GDAP1: variants seen among roughly 807,000 people sequenced by gnomAD.
GDAP1 encodes ganglioside-induced differentiation-associated protein 1.
In GDAP1, 34 loss-of-function variants were observed where a neutral mutation model predicts 40.1. The observed-to-expected ratio is 0.85, with a 90% CI of 0.64 to 1.13. The LOEUF (loss-of-function observed/expected upper bound fraction) is 1.13. Ranked by LOEUF, GDAP1 falls within the 50% of genes most tolerant of loss-of-function variation. The pLI is 0.00. For missense variants in GDAP1, 374 were observed against 433.7 expected (o/e 0.86, Z 1.22); for synonymous variants, 170 against 157.4 (o/e 1.08, Z -0.60).
At chr8:74,405,788 A>G (rs1411766203) in intron 2 of GDAP1, among the ~76,000 whole-genome samples, 1 of 150,052 alleles carries the variant, frequency 6.7e-6, no homozygotes. Flanking sequence ...ATATTGAGGA[A>G]CTAAAACATG....
In GDAP1 at chr8:74,451,924, T is replaced by TTAATTTAATTTAATA. The variant is rs1280399172; in HGVS notation, c.166-36740_166-36739insATAATTTAATTTAAT. 1.6e-3 allele frequency among the ~76,000 whole-genome samples: 3 copies of TTAATTTAATTTAATA among 1,850 alleles called. 1 individual carries two copies. The Admixed American group carries it at 0.048, about 30-fold the overall frequency. 1.2% of individuals were successfully genotyped at this position (1,850 alleles called of 152,430 possible). ...CCTTGGTATGCTGCTCTTTATTTTC[T>TTAATTTAATTTAATA]TAATTTAATTTAATTTAATTTAATT... On this transcript the variant is annotated intron_variant, in intron 2 of 2. Coordinates refer to the GDAP1 transcript ENST00000523640.
downstream of GDAP1, among the ~76,000 whole-genome samples, chr8:74,367,644 A>G (rs1053987543): frequency 5.3e-5 from 8 of 152,210 alleles, no homozygotes; most frequent in African/African-American, 1.9e-4. Context: ...ATCTCTGCTT[A>G]CCCATATCAG....
chr8:74,376,417 T>C (rs1315623620), intron 2 of GDAP1, among the ~76,000 whole-genome samples: 4 of 151,514 alleles, frequency 2.6e-5, no homozygotes, highest in South Asian at 2.1e-4. Flanking sequence ...GGCGCGATCT[T>C]GGCTGACTGC....
At chr8:74,428,352 C>A (rs1478547451) in intron 2 of GDAP1, among the ~76,000 whole-genome samples, 1 of 152,182 alleles carries the variant, frequency 6.6e-6, no homozygotes, top group Non-Finnish European at 1.5e-5. Flanking sequence ...CAGTGAAATA[C>A]AATGGTGGTG....
intron 2 of GDAP1, among the ~76,000 whole-genome samples, chr8:74,457,881 A>AT (rs1806355334): frequency 6.6e-6 from 1 of 152,026 alleles, no homozygotes; most frequent in Admixed American, 6.6e-5. Flanking sequence ...CTTCATATTT[A>AT]TTTTTCCAAA....
At chr8:74,379,179 T>C (rs564832459) in intron 2 of GDAP1, among the ~76,000 whole-genome samples, 44 of 19,734 alleles carry the variant, frequency 2.2e-3, no homozygotes, top group Admixed American at 7.3e-3. Flanking sequence ...GTTCCAACTT[T>C]CAAATATGAG....
chr8:74,361,829 A>G lies in GDAP1; in HGVS notation c.485-55A>G. On this transcript the variant is annotated intron_variant, in intron 3 of 5. Coordinates refer to ENST00000220822, the MANE Select transcript of GDAP1 (RefSeq NM_018972.4). ...TTGAGTTTCTCTGCTTCTCCTTGTT[A>G]CTGGTGTAGAAGGGAGAAAATAATT... The G allele has an allele frequency of 4.2e-6, 4 of 947,974 alleles. No homozygotes were observed. In the South Asian group the frequency reaches 5.2e-5, roughly 12 times the overall value. 58.7% of individuals were successfully genotyped at this position (947,974 alleles called of 1,614,324 possible).
At chr8:74,358,477 G>A (rs181737895) in intron 2 of GDAP1, among the ~76,000 whole-genome samples, 10 of 152,298 alleles carry the variant, frequency 6.6e-5, no homozygotes, top group Non-Finnish European at 1.3e-4. Flanking sequence ...GGATACCAGA[G>A]AGCATTTGTT....
rs1294216111 is a variant in GDAP1 at position 74,365,052 on chromosome 8, C to T, written c.*685C>T. On this transcript the variant is annotated 3_prime_UTR_variant, in exon 6 of 6. Coordinates refer to ENST00000220822, the MANE Select transcript of GDAP1 (RefSeq NM_018972.4). ...AGATGGTGCCTGTGAGATACCATTC[C>T]TCTGGATGGTCATGTCCAGTCAGTG... The T allele has an allele frequency of 2.2e-6, 1 of 454,018 alleles. No individual in the cohort carries two copies. The highest frequency in any genetic ancestry group is 2.0e-5 in the African/African-American group (1 of 50,112). 28.1% of individuals were successfully genotyped at this position (454,018 alleles called of 1,614,324 possible). A position where few individuals can be genotyped will look rare whatever the true frequency, so the allele number is the denominator to read the frequency against.
chr8:74,433,677 A>C (rs897718317), intron 2 of GDAP1, among the ~76,000 whole-genome samples: 1 of 152,184 alleles, frequency 6.6e-6, no homozygotes, highest in African/African-American at 2.4e-5. Context: ...AAAGAATTAA[A>C]CTTGCCTAGA....
intron 2 of GDAP1, among the ~76,000 whole-genome samples, chr8:74,475,353 T>C (rs1806615620): frequency 6.6e-6 from 1 of 152,188 alleles, no homozygotes; most frequent in Non-Finnish European, 1.5e-5. Context: ...CTTGCTTCTC[T>C]GGTTCTTTTA....
intron 2 of GDAP1, among the ~76,000 whole-genome samples, chr8:74,472,360 C>T (rs1806568406): frequency 6.6e-6 from 1 of 152,150 alleles, no homozygotes; most frequent in South Asian, 2.1e-4. Flanking sequence ...AGGTTGATTC[C>T]ATGTCTTTGC....
At chr8:74,371,044 T>C (rs969306205), downstream of GDAP1, among the ~76,000 whole-genome samples, 1 of 152,180 alleles carries the variant, frequency 6.6e-6, no homozygotes, top group Non-Finnish European at 1.5e-5. Flanking sequence ...ATAGATAAAA[T>C]AGACAGAAAT....
intron 2 of GDAP1, among the ~76,000 whole-genome samples, chr8:74,480,677 A>T (rs1806699420): frequency 6.6e-6 from 1 of 152,212 alleles, no homozygotes; most frequent in South Asian, 2.1e-4. Context: ...AAATCACAAA[A>T]TTGAGTCACA....
intron 2 of GDAP1, among the ~76,000 whole-genome samples, chr8:74,443,048 T>A (rs1806181420): frequency 6.6e-6 from 1 of 152,186 alleles, no homozygotes; most frequent in African/African-American, 2.4e-5. Context: ...AATGGGAGTT[T>A]AAAAATTTGG....
chr8:74,423,314 A>G (rs13278299), intron 2 of GDAP1, among the ~76,000 whole-genome samples: 63,359 of 146,128 alleles, frequency 0.43, 14,550 homozygotes, highest in African/African-American at 0.6. Context: ...TATATATAAT[A>G]GTATATATAC....
intron 2 of GDAP1, among the ~76,000 whole-genome samples, chr8:74,401,777 G>C (rs1203480928): frequency 2.7e-5 from 4 of 150,060 alleles, no homozygotes; most frequent in Non-Finnish European, 5.9e-5. Context: ...CTAACAGACA[G>C]GACCCTGAGC....
chr8:74,400,908 C>A (rs1369376674), intron 2 of GDAP1, among the ~76,000 whole-genome samples: 2 of 149,716 alleles, frequency 1.3e-5, no homozygotes, highest in Non-Finnish European at 2.9e-5. Flanking sequence ...TATAGGGTTT[C>A]TGCCGAGAGA....
At chr8:74,463,991 GA>G (rs1214184241) in intron 2 of GDAP1, among the ~76,000 whole-genome samples, 1 of 152,124 alleles carries the variant, frequency 6.6e-6, no homozygotes, top group Non-Finnish European at 1.5e-5. Context: ...GAAATGCTAT[GA>G]AACAACTAAA....
Sources: gnomAD v4.1 joint callset for allele counts (sites outside exome capture counted in the v4.1 genomes callset) on GRCh38, gnomAD v4.1.1 for gene constraint, MANE v1.5 for transcripts, NCBI Gene and HGNC (gene_info 2026-07-23, HGNC 2026-07-21) for gene names.